Variants in WHAMM observed in about 807,000 individuals in gnomAD.
The protein encoded by WHAMM is WASP homolog-associated protein with actin, membranes and microtubules.
WHAMM carries 67 observed loss-of-function variants against 76.5 expected under a neutral mutation model. That is an observed-to-expected ratio of 0.88 (90% CI 0.72 to 1.07). WHAMM has a LOEUF of 1.07. WHAMM is among the 50% of genes least tolerant of loss of function. The pLI is 0.00. For synonymous variants in WHAMM, 419 were observed against 422.1 expected (o/e 0.99, Z 0.09); for missense variants, 1,021 against 1,051.1 (o/e 0.97, Z 0.40).
chr15:82,810,529 C>G (rs2050610658), intron 1 of WHAMM, 194 bp downstream of exon 1: 2 of 985,326 alleles, frequency 2.0e-6, no homozygotes, highest in Non-Finnish European at 2.4e-6. Context: ...GCGGGAGGGT[C>G]TGCAGAGAGG....
rs747795492 is a variant in WHAMM at position 82,809,883 on chromosome 15, CGGCGGCTGCGCGAGGGGGCCCGGTTGG to C, written c.161_187del (p.Arg54_Gly62del). On this transcript the variant is annotated inframe_deletion, in exon 1 of 10. Transcript: ENST00000286760. ...TTGTCACGACCGTACCGCGCAGCAG[CGGCGGCTGCGCGAGGGGGCCCGGTTGG>C]GGCCCGAGCCCGAGCCCAAGCCTGA... 3.4e-5 allele frequency: 53 copies of C among 1,556,270 alleles called. No individual in the cohort carries two copies. The highest frequency in any genetic ancestry group is 4.5e-5 in the Non-Finnish European group (52 of 1,149,454).
At position 82,823,307 on chromosome 15, in the gene WHAMM, C is replaced by T; in HGVS notation, c.1458+20C>T. 1 of 1,375,676 alleles carries T rather than the reference C, an allele frequency of 7.3e-7. No homozygotes were observed. Among genetic ancestry groups the T allele is most frequent in the East Asian group, 2.6e-5 (1 of 38,524 alleles). 85.2% of individuals were successfully genotyped at this position (1,375,676 alleles called of 1,614,324 possible). A position where few individuals can be genotyped will look rare whatever the true frequency, so the allele number is the denominator to read the frequency against. On this transcript the variant is annotated intron_variant, in intron 6 of 9. Coordinates refer to ENST00000286760, the MANE Select transcript of WHAMM (RefSeq NM_001080435.3). ...AGAAAGGTAGGTACGCTCAGAGCGGCTTTCTTTTCTTTTCTCTTTCAGAGA... is the reference window on the plus strand; with the variant it reads ...AGAAAGGTAGGTACGCTCAGAGCGGTTTTCTTTTCTTTTCTCTTTCAGAGA...
In WHAMM at chr15:82,826,792, A is replaced by G. The variant is rs1242759861; in HGVS notation, c.1587A>G (p.Glu529=). The G allele has an allele frequency of 1.9e-6, 3 of 1,549,516 alleles. No individual in the cohort carries two copies. Among genetic ancestry groups the G allele is most frequent in the East Asian group, 4.9e-5 (2 of 40,914 alleles). ...KIKEEEQKKK[E]WINQERQKTL... The stretch of plus-strand genomic sequence containing the variant: ...AAGAAGAGGAGCAAAAGAAAAAAGA[A>G]TGGATCAACCAAGAACGTCAAAAAA... The change falls in exon 8 of 10, where the codon GAA becomes GAG. Residue 529 remains glutamate (E), a synonymous_variant. Coordinates refer to ENST00000286760, the MANE Select transcript of WHAMM (RefSeq NM_001080435.3).
At chr15:82,829,952 A>G (rs2050999056) in intron 8 of WHAMM, among the ~76,000 whole-genome samples, 1 of 152,214 alleles carries the variant, frequency 6.6e-6, no homozygotes, top group South Asian at 2.1e-4. Context: ...GAAAGACCAG[A>G]ACTTTTTCAA....
At chr15:82,817,744 A>G (rs2050750553) in intron 3 of WHAMM, among the ~76,000 whole-genome samples, 176 bp from the exon 4 acceptor site, 1 of 152,236 alleles carries the variant, frequency 6.6e-6, no homozygotes, top group South Asian at 2.1e-4. Flanking sequence ...TGGAATACCT[A>G]AAATTTTATA....
chr15:82,813,579 C>T (rs963882416), intron 2 of WHAMM, among the ~76,000 whole-genome samples: 10 of 146,784 alleles, frequency 6.8e-5, no homozygotes, highest in Middle Eastern at 7.1e-3. Flanking sequence ...AAGACATTTA[C>T]GTTGGTCATC....
rs1367866620 is a variant in WHAMM, at chr15:82,835,966, T to G, written c.*2430T>G. ...TGTTTGTAATTACGTATTTATAATTTCAGTATTTTGAGATACCAGCGAGCT... is the reference window on the plus strand; with the variant it reads ...TGTTTGTAATTACGTATTTATAATTGCAGTATTTTGAGATACCAGCGAGCT... On this transcript the variant is annotated 3_prime_UTR_variant, in exon 10 of 10. Coordinates refer to ENST00000286760, the MANE Select transcript of WHAMM (RefSeq NM_001080435.3). The G allele has an allele frequency of 6.6e-6, 1 of 152,260 alleles. No individual in the cohort carries two copies. The highest frequency in any genetic ancestry group is 1.9e-4 in the East Asian group (1 of 5,202). The allele number at this position is 152,260 out of a possible 1,614,324, so 9.4% of individuals were successfully genotyped here.
chr15:82,817,864 TAA>T (rs1396412406), intron 3 of WHAMM, 54 bp from the exon 4 acceptor site: 14 of 1,380,228 alleles, frequency 1.0e-5, no homozygotes, highest in Non-Finnish European at 1.3e-5. Context: ...TAGCTCATGA[TAA>T]ATGTTTCCCT....
At chr15:82,821,699 T>C (rs937985914) in intron 5 of WHAMM, among the ~76,000 whole-genome samples, 2 of 152,204 alleles carry the variant, frequency 1.3e-5, no homozygotes, top group Admixed American at 1.3e-4. Flanking sequence ...TTTCACTCCT[T>C]TATTCTTCCA....
At chr15:82,822,862 A>G (rs1178475207) in intron 5 of WHAMM, among the ~76,000 whole-genome samples, 1 of 151,976 alleles carries the variant, frequency 6.6e-6, no homozygotes, top group Non-Finnish European at 1.5e-5. Context: ...ATATACATGT[A>G]TGTATACATG....
intron 4 of WHAMM, 45 bp downstream of exon 4, chr15:82,818,134 A>G: frequency 2.6e-6 from 4 of 1,512,056 alleles, no homozygotes; most frequent in Non-Finnish European, 2.7e-6. Flanking sequence ...ATACACTTTT[A>G]TTTTTAAAAC....
rs1430236233 is a variant in WHAMM at position 82,818,007 on chromosome 15, T to C, written c.1022T>C (p.Leu341Pro). Residue 341 changes from leucine to proline, a missense_variant, in exon 4 of 10, where the codon CTA becomes CCA. By Grantham distance (98) the Leu-to-Pro change is moderately conservative. This residue lies in a region of WHAMM where 501 missense variants were observed against 524.9 expected (regional missense o/e 0.95). Coordinates refer to ENST00000286760, the MANE Select transcript of WHAMM (RefSeq NM_001080435.3). Reference protein sequence around the residue: ...TAIPRLEKLQLMLARETLQLM... With the variant: ...TAIPRLEKLQPMLARETLQLM... Reference sequence around the variant, plus strand: ...ATTCCCAGGTTGGAAAAACTTCAGCTAATGCTAGCTCGAGAGACTCTGCAA... The same window carrying C: ...ATTCCCAGGTTGGAAAAACTTCAGCCAATGCTAGCTCGAGAGACTCTGCAA... 1 of 1,549,276 alleles carries C rather than the reference T, an allele frequency of 6.5e-7. No homozygotes were observed. The highest frequency in any genetic ancestry group is 1.2e-5 in the South Asian group (1 of 83,916).
chr15:82,811,541 T>C (rs2050628697), intron 1 of WHAMM, among the ~76,000 whole-genome samples: 1 of 152,192 alleles, frequency 6.6e-6, no homozygotes, highest in Admixed American at 6.5e-5. Flanking sequence ...TGAATGTAGT[T>C]CATACTGTTG....
chr15:82,830,208 T>C (rs2051002791), intron 8 of WHAMM, among the ~76,000 whole-genome samples: 1 of 151,856 alleles, frequency 6.6e-6, no homozygotes, highest in South Asian at 2.1e-4. Context: ...TTTTTTTTTT[T>C]TGGAGACGGA....
intron 9 of WHAMM, among the ~76,000 whole-genome samples, chr15:82,832,798 T>A (rs574425622): frequency 6.6e-6 from 1 of 152,354 alleles, no homozygotes; most frequent in East Asian, 1.9e-4. Flanking sequence ...AAATTTTTTT[T>A]AAAAGATTTC....
At chr15:82,823,041 T>C in intron 5 of WHAMM, 59 bp from the exon 6 acceptor site, 1 of 1,252,726 alleles carries the variant, frequency 8.0e-7, no homozygotes. Context: ...TTTAAAAAAA[T>C]TCAATGCATT....
At chr15:82,815,066 G>A (rs2050697486) in intron 2 of WHAMM, among the ~76,000 whole-genome samples, 1 of 139,632 alleles carries the variant, frequency 7.2e-6, no homozygotes, top group Non-Finnish European at 1.5e-5. Context: ...CACCGCACCC[G>A]GCCTGTTTTT....
chr15:82,822,422 A>C (rs1179697464), intron 5 of WHAMM, among the ~76,000 whole-genome samples: 1 of 152,184 alleles, frequency 6.6e-6, no homozygotes, highest in Non-Finnish European at 1.5e-5. Flanking sequence ...TGCTGCCATT[A>C]AAATTTATCT....
At chr15:82,826,958 C>A in intron 8 of WHAMM, 112 bp downstream of exon 8, 1 of 1,168,784 alleles carries the variant, frequency 8.6e-7, no homozygotes, top group Non-Finnish European at 1.2e-6. Context: ...GAACGTGAAA[C>A]ATTTAAAAAA....
Sources: gnomAD v4.1 joint callset for allele counts (sites outside exome capture counted in the v4.1 genomes callset) on GRCh38, gnomAD v4.1.1 for gene constraint, gnomAD v4.1.1 regional missense constraint, MANE v1.5 for transcripts, NCBI Gene and HGNC (gene_info 2026-07-23, HGNC 2026-07-21) for gene names.